The following GDPD3 variants were observed in gnomAD, a reference collection of about 807,000 sequenced individuals.
GDPD3 encodes lysophospholipase D GDPD3.
Under a neutral mutation model 43.7 loss-of-function variants are expected in GDPD3, and 40 were observed. The ratio of observed to expected loss-of-function variants is 0.91; its 90% confidence interval spans 0.71 to 1.19. The LOEUF (loss-of-function observed/expected upper bound fraction) is 1.19, where lower values mean the gene tolerates loss of function less well. Among genes scored for constraint, GDPD3 ranks in the 50% most tolerant of loss-of-function variants. GDPD3 has a pLI of 0.00. For synonymous variants in GDPD3, 145 were observed against 162.9 expected (o/e 0.89, Z 0.84); for missense variants, 363 against 415.8 (o/e 0.87, Z 1.11).
In GDPD3 at chr16:30,104,888, G is replaced by C. The variant is rs1362982550; in HGVS notation, c.941C>G (p.Ala314Gly). 2 of 1,612,564 alleles carry C rather than the reference G, an allele frequency of 1.2e-6. No individual in the cohort carries two copies. The highest frequency in any genetic ancestry group is 4.5e-5 in the East Asian group (2 of 44,880). ...CTTCTGGACTTAGGAGGTCCGGGCAGCTGGTCCATGGTTGTCCAGGTAGTG... is the reference window on the plus strand; with the variant it reads ...CTTCTGGACTTAGGAGGTCCGGGCACCTGGTCCATGGTTGTCCAGGTAGTG... ...LRHYLDNHGPAARTS is the reference protein window; with the variant it reads ...LRHYLDNHGPGARTS The change falls in exon 10 of 10, where the codon GCT becomes GGT. Residue 314 changes from alanine (A) to glycine (G), a missense_variant. Physicochemically the swap from Ala to Gly is moderately conservative, Grantham distance 60. Transcript: ENST00000406256.
chr16:30,104,892 G>A lies in GDPD3; in HGVS notation c.937C>T (p.Pro313Ser), dbSNP rs1420790591. Residue 313 changes from proline to serine, a missense_variant, in exon 10 of 10, where the codon CCA becomes TCA. By Grantham distance (74) the Pro-to-Ser change is moderately conservative. Transcript: ENST00000406256. ...TGGACTTAGGAGGTCCGGGCAGCTG[G>A]TCCATGGTTGTCCAGGTAGTGCCGC... ...ALRHYLDNHG[P>S]AARTS 1 of 1,612,594 alleles carries A rather than the reference G, an allele frequency of 6.2e-7. No individual in the cohort carries two copies. Among genetic ancestry groups the A allele is most frequent in the South Asian group, 1.1e-5 (1 of 91,010 alleles).
In GDPD3 at chr16:30,112,436, G is replaced by T; in HGVS notation, c.365-12C>A. The stretch of plus-strand genomic sequence containing the variant: ...GTGAGCAAAGTGGCCTGGGGGTGGT[G>T]TGGGAAAAGGGGTCAGAGGGAAGCC... On this transcript the variant is annotated splice_polypyrimidine_tract_variant and intron_variant, in intron 4 of 9. Coordinates refer to ENST00000406256, the MANE Select transcript of GDPD3 (RefSeq NM_024307.3). This position sits in a 1 kb window ranked among gnomAD's most constrained non-coding sequence, Gnocchi z 5.4. 3 of 1,614,124 alleles carry T rather than the reference G, an allele frequency of 1.9e-6. No homozygotes were observed. Among genetic ancestry groups the T allele is most frequent in the Non-Finnish European group, 2.5e-6 (3 of 1,179,960 alleles).
intron 7 of GDPD3, 59 bp from the exon 8 acceptor site, chr16:30,108,491 G>T (rs2072876173): frequency 4.5e-6 from 7 of 1,550,796 alleles, no homozygotes; most frequent in Non-Finnish European, 6.2e-6. Context: ...CAGAGGTGGG[G>T]TGGGCTGGTA....
At position 30,112,456 on chromosome 16, in the gene GDPD3, G is replaced by A. The variant is rs1009454383; in HGVS notation, c.365-32C>T. 2.5e-6 allele frequency: 4 copies of A among 1,613,956 alleles called. No individual in the cohort carries two copies. Among genetic ancestry groups the A allele is most frequent in the Non-Finnish European group, 3.4e-6 (4 of 1,179,798 alleles). On this transcript the variant is annotated intron_variant, in intron 4 of 9. Transcript: ENST00000406256. This position sits in a 1 kb window ranked among gnomAD's most constrained non-coding sequence, Gnocchi z 5.4. Reference sequence around the variant, plus strand: ...GTGGTGTGGGAAAAGGGGTCAGAGGGAAGCCAAGGCGGAGGTCCAAGGAAG... The same window carrying A: ...GTGGTGTGGGAAAAGGGGTCAGAGGAAAGCCAAGGCGGAGGTCCAAGGAAG...
chr16:30,111,940 A>G, intron 6 of GDPD3, 192 bp downstream of exon 6: 2 of 600,314 alleles, frequency 3.3e-6, no homozygotes, highest in South Asian at 4.0e-5. Context: ...TTCAAAAAAG[A>G]AAAAAAACAA....
chr16:30,105,651 T>C (rs1050888151), intron 9 of GDPD3, among the ~76,000 whole-genome samples: 4 of 150,450 alleles, frequency 2.7e-5, no homozygotes, highest in Non-Finnish European at 5.9e-5. Flanking sequence ...ACTACAGATG[T>C]CCGCCACCAC....
Position 30,104,990 on chromosome 16 carries a change from T to G in GDPD3, c.839A>C (p.Asn280Thr). 6 of 1,610,840 alleles carry G rather than the reference T, an allele frequency of 3.7e-6. No individual in the cohort carries two copies. Among genetic ancestry groups the G allele is most frequent in the Non-Finnish European group, 5.1e-6 (6 of 1,178,966 alleles). Reference sequence around the variant, plus strand: ...GGCTGCTTCAAAATCCGACTCTTCATTAAGGCACCAAAAGACCACCTGAGC... The same window carrying G: ...GGCTGCTTCAAAATCCGACTCTTCAGTAAGGCACCAAAAGACCACCTGAGC... ...RGVQVVFWCLNEESDFEAAFS... is the reference protein window; with the variant it reads ...RGVQVVFWCLTEESDFEAAFS... Residue 280 changes from asparagine (N) to threonine (T), a missense_variant, in exon 10 of 10, where the codon AAT (asparagine) becomes ACT (threonine). Physicochemically the swap from Asn to Thr is moderately conservative, Grantham distance 65 (BLOSUM62 0). Coordinates refer to ENST00000406256, the MANE Select transcript of GDPD3 (RefSeq NM_024307.3).
Position 30,111,420 on chromosome 16 carries a change from G to C in GDPD3, c.675C>G (p.Phe225Leu), listed in dbSNP as rs1360890398. Reference sequence around the variant, plus strand: ...TGATGTTGGGCAGGAAGCAGAAGAAGAACTTCTCAGGGATTGGGATGAAGG... The same window carrying C: ...TGATGTTGGGCAGGAAGCAGAAGAACAACTTCTCAGGGATTGGGATGAAGG... The part of the protein sequence containing the change: ...LLPFIPIPEK[F>L]FFCFLPNIIN... The change falls in exon 7 of 10, where the codon TTC becomes TTG. Residue 225 changes from phenylalanine to leucine, a missense_variant. Transcript: ENST00000406256. The C allele has an allele frequency of 1.2e-6, 2 of 1,614,046 alleles. No homozygotes were observed. The highest frequency in any genetic ancestry group is 1.1e-5 in the South Asian group (1 of 91,074).
chr16:30,108,406 C>G lies in GDPD3; in HGVS notation c.734G>C (p.Cys245Ser). The change falls in exon 8 of 10, where the codon TGC becomes TCC. Residue 245 changes from cysteine to serine, a missense_variant. By Grantham distance (112) the Cys-to-Ser change is moderately radical. Coordinates refer to ENST00000406256, the MANE Select transcript of GDPD3 (RefSeq NM_024307.3). ...AACCACAGCCAATAACTGGTTCAGG[C>G]AAGAGCAGGAAAATGGGAAATAGGT... is the stretch of plus-strand genomic sequence containing the variant. Reference protein sequence around the residue: ...NRTYFPFSCSCLNQLLAVVSK... With the variant: ...NRTYFPFSCSSLNQLLAVVSK... 1 of 1,614,010 alleles carries G rather than the reference C, an allele frequency of 6.2e-7. No individual in the cohort carries two copies. Among genetic ancestry groups the G allele is most frequent in the East Asian group, 2.2e-5 (1 of 44,852 alleles).
rs535489009 is a variant in GDPD3 at position 30,112,362 on chromosome 16, G to C, written c.427C>G (p.Pro143Ala). The C allele has an allele frequency of 1.9e-6, 3 of 1,614,194 alleles. No individual in the cohort carries two copies. In the African/African-American group the frequency reaches 4.0e-5, roughly 22 times the overall value. ...ATCTCTACGCTCATGGGTGTCCTTG[G>C]AAACCTCTGGAACAGGTCCTCCAGA... ...VRLEDLFQRF[P>A]RTPMSVEIKG... is the part of the protein sequence containing the mutation. The change falls in exon 5 of 10, where the codon CCA becomes GCA. Residue 143 changes from proline (P) to alanine (A), a missense_variant. Coordinates refer to ENST00000406256, the MANE Select transcript of GDPD3 (RefSeq NM_024307.3). The surrounding 1 kb of genome is among the most constrained non-coding windows in gnomAD (Gnocchi z 5.4).
chr16:30,109,040 C>T (rs1021891860), intron 7 of GDPD3, among the ~76,000 whole-genome samples: 29 of 152,018 alleles, frequency 1.9e-4, no homozygotes, highest in African/African-American at 6.8e-4. Flanking sequence ...CCCTGTTAGC[C>T]AGGATGGTCT....
At position 30,112,812 on chromosome 16, in the gene GDPD3, G is replaced by T. The variant is rs1223746228; in HGVS notation, c.183-19C>A. On this transcript the variant is annotated intron_variant, in intron 2 of 9. Coordinates refer to ENST00000406256, the MANE Select transcript of GDPD3 (RefSeq NM_024307.3). The surrounding 1 kb of genome is among the most constrained non-coding windows in gnomAD (Gnocchi z 5.4). ...CATGGAGCTGTGGGGGTGAAGGTCAGCGGGGGGCAGGGGCAGGGGACTGGG... is the reference window on the plus strand; with the variant it reads ...CATGGAGCTGTGGGGGTGAAGGTCATCGGGGGGCAGGGGCAGGGGACTGGG... 3.1e-6 allele frequency: 5 copies of T among 1,605,010 alleles called. No individual in the cohort carries two copies. Among genetic ancestry groups the T allele is most frequent in the Non-Finnish European group, 3.4e-6 (4 of 1,179,446 alleles).
At chr16:30,108,509 C>T (rs573744667) in intron 7 of GDPD3, 77 bp from the exon 8 acceptor site, 171 of 1,331,258 alleles carry the variant, frequency 1.3e-4, no homozygotes, top group African/African-American at 1.2e-3. Flanking sequence ...GTAGTGCCCC[C>T]GCCAACTAGG....
At chr16:30,110,807 G>A (rs758570895) in intron 7 of GDPD3, 1 of 138,588 alleles carries the variant, frequency 7.2e-6, no homozygotes, top group Non-Finnish European at 1.5e-5. Context: ...AGGAGGTCGA[G>A]GCGCAGTGAG....
chr16:30,108,061 C>A, intron 9 of GDPD3, 152 bp downstream of exon 9: 2 of 599,996 alleles, frequency 3.3e-6, no homozygotes, highest in East Asian at 2.8e-5. Context: ...GTGTGTGTAT[C>A]CAGAGAGTTA....
rs771846571 is a variant in GDPD3, at chr16:30,112,124, G to A, written c.573+8C>T. The A allele has an allele frequency of 6.2e-7, 1 of 1,609,862 alleles. No homozygotes were observed. The highest frequency in any genetic ancestry group is 8.5e-7 in the Non-Finnish European group (1 of 1,176,668). ...GGAAGAGGACGGGGGAGGGGTGGGG[G>A]GACTCACGGCAGCCTTGCATTTCTT... On this transcript the variant is annotated splice_region_variant and intron_variant, in intron 6 of 9. Coordinates refer to ENST00000406256, the MANE Select transcript of GDPD3 (RefSeq NM_024307.3). The surrounding 1 kb of genome is among the most constrained non-coding windows in gnomAD (Gnocchi z 5.4).
intron 6 of GDPD3, 76 bp from the exon 7 acceptor site, chr16:30,111,597 C>T (rs1032604662): frequency 2.8e-5 from 43 of 1,519,724 alleles, no homozygotes; most frequent in Middle Eastern, 2.0e-4. Context: ...GCAGGGGAGC[C>T]GTGGTGGGCA....
chr16:30,111,779 A>C lies in GDPD3; in HGVS notation c.574-258T>G, dbSNP rs537811153. The C allele has an allele frequency of 1.5e-4, 79 of 527,600 alleles. 1 individual carries two copies. The highest frequency in any genetic ancestry group is 1.4e-3 in the African/African-American group (71 of 52,308). The allele number at this position is 527,600 out of a possible 1,614,324, so 32.7% of individuals were successfully genotyped here. ...AAAACCCCATCTCTACTAAAAATAC[A>C]AAAATTAGCTGGGCGTGGTGGCGTG... On this transcript the variant is annotated intron_variant, in intron 6 of 9. Transcript: ENST00000406256.
intron 7 of GDPD3, chr16:30,111,180 C>T (rs912789590): frequency 2.2e-5 from 12 of 556,208 alleles, no homozygotes; most frequent in African/African-American, 5.7e-5. Flanking sequence ...TAAATTACCT[C>T]TCTATCCTAA....
Sources: gnomAD v4.1 joint callset for allele counts (sites outside exome capture counted in the v4.1 genomes callset) on GRCh38, gnomAD v4.1.1 for gene constraint, Gnocchi (gnomAD v3.1) non-coding constraint, MANE v1.5 for transcripts, NCBI Gene and HGNC (gene_info 2026-07-23, HGNC 2026-07-21) for gene names.